CTNNA2: variants seen among roughly 807,000 people sequenced by gnomAD.
The protein encoded by CTNNA2 is catenin alpha 2.
Under a neutral mutation model 101.0 loss-of-function variants are expected in CTNNA2, and 42 were observed. That is an observed-to-expected ratio of 0.42 (90% CI 0.32 to 0.54). The LOEUF (loss-of-function observed/expected upper bound fraction) is 0.54. CTNNA2 is among the 20% of genes least tolerant of loss of function. The pLI is 0.14. For synonymous variants in CTNNA2, 450 were observed against 456.4 expected (o/e 0.99, Z 0.18); for missense variants, 871 against 1,223.1 (o/e 0.71, Z 4.29).
intron 1 of CTNNA2, among the ~76,000 whole-genome samples, chr2:79,611,298 G>C (rs1324377822): frequency 2.0e-5 from 3 of 151,934 alleles, no homozygotes; most frequent in Non-Finnish European, 4.4e-5. Flanking sequence ...AATGTAGCTG[G>C]GCTCCTATTA....
intron 7 of CTNNA2, among the ~76,000 whole-genome samples, chr2:79,923,831 G>T (rs937595684): frequency 7.9e-5 from 12 of 152,026 alleles, no homozygotes; most frequent in Non-Finnish European, 1.3e-4. Context: ...ACATAAAATT[G>T]AGATTGTATA....
chr2:79,894,459 G>C (rs1684558767), intron 6 of CTNNA2, among the ~76,000 whole-genome samples: 1 of 152,046 alleles, frequency 6.6e-6, no homozygotes, highest in East Asian at 1.9e-4. Context: ...TCTTAGCACA[G>C]TACCAAATCG....
At chr2:79,581,399 C>G (rs967803216) in intron 1 of CTNNA2, among the ~76,000 whole-genome samples, 5 of 152,022 alleles carry the variant, frequency 3.3e-5, no homozygotes, top group Admixed American at 2.6e-4. Context: ...GTGGTGGATG[C>G]CTGTAATCGC....
chr2:80,519,873 T>C (rs1199672009), intron 9 of CTNNA2, among the ~76,000 whole-genome samples: 1 of 152,152 alleles, frequency 6.6e-6, no homozygotes, highest in Non-Finnish European at 1.5e-5. Flanking sequence ...TGTCCTCACT[T>C]TGGGGAAGTG....
At chr2:79,640,876 A>G (rs975200670) in intron 1 of CTNNA2, among the ~76,000 whole-genome samples, 2 of 152,180 alleles carry the variant, frequency 1.3e-5, no homozygotes, top group African/African-American at 4.8e-5. Flanking sequence ...AACTAATGTC[A>G]ATTTCTTAAT....
In CTNNA2 at chr2:80,342,815, T is replaced by C. The variant is rs373323208; in HGVS notation, c.1057-50396T>C. On this transcript the variant is annotated intron_variant, in intron 7 of 18. Coordinates refer to ENST00000402739, the MANE Select transcript of CTNNA2 (RefSeq NM_001282597.3). ...GGGTATCGGAACAAAATACTACACA[T>C]TGGGTAGCTTAAACAACAGAAATGT... Among the ~76,000 whole-genome samples, 6 of 152,176 alleles carry C rather than the reference T, an allele frequency of 3.9e-5. No individual in the cohort carries two copies. In the East Asian group the frequency reaches 9.6e-4, roughly 24 times the overall value.
chr2:79,799,736 C>T (rs975132245), intron 3 of CTNNA2, among the ~76,000 whole-genome samples: 1 of 152,166 alleles, frequency 6.6e-6, no homozygotes, highest in Admixed American at 6.5e-5. Context: ...GTCTTAATGT[C>T]ACATTAGCAT....
At chr2:79,425,201 T>A (rs1196464578) in intron 4 of CTNNA2, among the ~76,000 whole-genome samples, 5 of 151,720 alleles carry the variant, frequency 3.3e-5, no homozygotes, top group African/African-American at 1.2e-4. Context: ...TGGCTAAGAG[T>A]GGATGATTAG....
intron 1 of CTNNA2, among the ~76,000 whole-genome samples, chr2:79,554,901 A>G (rs977792066): frequency 6.6e-6 from 1 of 152,212 alleles, no homozygotes; most frequent in Non-Finnish European, 1.5e-5. Context: ...CAAACAGAGC[A>G]AAATGGGTAT....
At chr2:80,203,583 T>G (rs1707345104) in intron 7 of CTNNA2, among the ~76,000 whole-genome samples, 1 of 152,244 alleles carries the variant, frequency 6.6e-6, no homozygotes, top group Non-Finnish European at 1.5e-5. Flanking sequence ...CTATAGTCTT[T>G]GGCACCTCCA....
chr2:80,296,647 G>A (rs564999305), intron 7 of CTNNA2, among the ~76,000 whole-genome samples: 5 of 152,328 alleles, frequency 3.3e-5, no homozygotes, highest in Admixed American at 6.5e-5. Flanking sequence ...TAAAGCTGAA[G>A]CACAGCATGA....
intron 7 of CTNNA2, among the ~76,000 whole-genome samples, chr2:80,333,344 G>A (rs899111954): frequency 6.6e-6 from 1 of 152,148 alleles, no homozygotes; most frequent in African/African-American, 2.4e-5. Flanking sequence ...TGGATCCTGC[G>A]TTGGGCTTTG....
intron 1 of CTNNA2, among the ~76,000 whole-genome samples, chr2:79,544,186 C>T (rs1341555115): frequency 6.6e-6 from 1 of 152,216 alleles, no homozygotes; most frequent in Admixed American, 6.5e-5. Context: ...GATCCACCTG[C>T]CTTGGCCTTC....
intron 7 of CTNNA2, among the ~76,000 whole-genome samples, chr2:79,937,541 T>C (rs765292265): frequency 1.3e-5 from 2 of 152,206 alleles, no homozygotes; most frequent in African/African-American, 4.8e-5. Context: ...ATCATCTGTA[T>C]TTACAAGGCT....
chr2:80,231,660 C>A (rs1312043821), intron 7 of CTNNA2, among the ~76,000 whole-genome samples: 5 of 152,120 alleles, frequency 3.3e-5, no homozygotes, highest in Non-Finnish European at 7.4e-5. Context: ...TTAAGAATGA[C>A]AAAAGAGGCT....
intron 2 of CTNNA2, among the ~76,000 whole-genome samples, chr2:79,661,226 T>G (rs534165239): frequency 6.6e-6 from 1 of 152,330 alleles, no homozygotes; most frequent in South Asian, 2.1e-4. Context: ...ACATCTGCCC[T>G]TTTTCCCTTC....
chr2:80,431,828 C>A (rs1681547082), intron 9 of CTNNA2, among the ~76,000 whole-genome samples: 1 of 152,102 alleles, frequency 6.6e-6, no homozygotes, highest in Non-Finnish European at 1.5e-5. Context: ...AAAACCTACA[C>A]CTTAGCTAAA....
intron 3 of CTNNA2, among the ~76,000 whole-genome samples, chr2:79,753,646 T>G (rs1050275638): frequency 2.0e-5 from 3 of 151,944 alleles, no homozygotes; most frequent in Non-Finnish European, 4.4e-5. Context: ...GTAGATGAGA[T>G]GTACATGGTC....
At chr2:79,977,661 GA>G (rs748460762) in intron 7 of CTNNA2, among the ~76,000 whole-genome samples, 3 of 152,142 alleles carry the variant, frequency 2.0e-5, no homozygotes, top group East Asian at 1.9e-4. Context: ...ACTAATTGGG[GA>G]AAAATGTAGA....
Sources: gnomAD v4.1 joint callset for allele counts (sites outside exome capture counted in the v4.1 genomes callset) on GRCh38, gnomAD v4.1.1 for gene constraint, MANE v1.5 for transcripts, NCBI Gene and HGNC (gene_info 2026-07-23, HGNC 2026-07-21) for gene names.